The following GRXCR2 variants were observed in gnomAD, a reference collection of about 807,000 sequenced individuals.
GRXCR2 encodes glutaredoxin and cysteine rich domain containing 2, also known as glutaredoxin domain-containing cysteine-rich protein 2.
In GRXCR2, 23 loss-of-function variants were observed where a neutral mutation model predicts 24.8. That is an observed-to-expected ratio of 0.93 (90% CI 0.67 to 1.32). The LOEUF (loss-of-function observed/expected upper bound fraction) is 1.32. GRXCR2 is among the 40% of genes most tolerant of loss of function. The probability of loss-of-function intolerance (pLI) is 0.00; values close to 1 mark genes in which losing one functional copy is unlikely to be tolerated. For synonymous variants in GRXCR2, 130 were observed against 116.1 expected (o/e 1.12, Z -0.77); for missense variants, 315 against 303.4 (o/e 1.04, Z -0.28).
intron 2 of GRXCR2, among the ~76,000 whole-genome samples, chr5:145,923,768 A>C (rs1168084099): frequency 2.0e-5 from 3 of 152,132 alleles, no homozygotes; most frequent in Non-Finnish European, 2.9e-5. Flanking sequence ...TTTTTCCATT[A>C]TATCCATATC....
chr5:145,901,189 AT>A (rs1757018326), intron 2 of GRXCR2, among the ~76,000 whole-genome samples: 2 of 152,138 alleles, frequency 1.3e-5, no homozygotes, highest in South Asian at 4.2e-4. Flanking sequence ...AAAAATAACT[AT>A]TGCATACTAT....
At chr5:145,917,302 T>C (rs1324939413) in intron 2 of GRXCR2, among the ~76,000 whole-genome samples, 3 of 152,144 alleles carry the variant, frequency 2.0e-5, no homozygotes, top group African/African-American at 7.2e-5. Flanking sequence ...TCTCAGGCTT[T>C]CCTGTGTTTT....
intron 2 of GRXCR2, among the ~76,000 whole-genome samples, chr5:145,907,068 G>C (rs1283723719): frequency 6.6e-6 from 1 of 152,088 alleles, no homozygotes; most frequent in Non-Finnish European, 1.5e-5. Flanking sequence ...AGGAGGCCGG[G>C]GTGGCTAAGG....
At chr5:145,871,424 GA>G (rs979620350) in intron 1 of GRXCR2, among the ~76,000 whole-genome samples, 9 of 152,090 alleles carry the variant, frequency 5.9e-5, no homozygotes, top group Non-Finnish European at 1.2e-4. Context: ...GTATCAGATG[GA>G]TCCCTTAACA....
At chr5:145,878,865 A>T (rs2149914576) in intron 2 of GRXCR2, among the ~76,000 whole-genome samples, 1 of 152,316 alleles carries the variant, frequency 6.6e-6, no homozygotes, top group African/African-American at 2.4e-5. Flanking sequence ...GAAACCCTAC[A>T]AGCCAGAAGA....
Position 145,889,168 on chromosome 5 carries a change from C to CA in GRXCR2, c.-69-22441dup, listed in dbSNP as rs534124544. 4.6e-3 allele frequency among the ~76,000 whole-genome samples: 254 copies of CA among 55,264 alleles called. 8 individuals carry two copies. The highest frequency in any genetic ancestry group is 0.014 in the African/African-American group (221 of 15,706). 36.3% of individuals were successfully genotyped at this position (55,264 alleles called of 152,430 possible). A position where few individuals can be genotyped will look rare whatever the true frequency, so the allele number is the denominator to read the frequency against. ...TGGGTGACAGACCGAGACTCTGTCT[C>CA]AAAAAAAGAAAGAAAGAAAGAAAGA... On this transcript the variant is annotated intron_variant, in intron 2 of 3. Transcript: ENST00000639411.
chr5:145,916,146 C>T lies in GRXCR2; in HGVS notation c.-70+19555G>A, dbSNP rs377183210. Reference sequence around the variant, plus strand: ...GGGGCGCTGCTCAGAGCCCCTGCTTCTGCTGGGGCAGAAATCATGTGTGAC... The same window carrying T: ...GGGGCGCTGCTCAGAGCCCCTGCTTTTGCTGGGGCAGAAATCATGTGTGAC... On this transcript the variant is annotated intron_variant, in intron 2 of 3. Transcript: ENST00000639411. Among the ~76,000 whole-genome samples, 87 of 152,244 alleles carry T rather than the reference C, an allele frequency of 5.7e-4. 3 individuals are homozygous for T. In the South Asian group the frequency reaches 0.017, roughly 30 times the overall value.
chr5:145,866,401 T>C, intron 2 of GRXCR2, 100 bp downstream of exon 2: 1 of 727,020 alleles, frequency 1.4e-6, no homozygotes, highest in East Asian at 2.5e-5. Context: ...TAAGTATTCA[T>C]ATTCAAAAGG....
chr5:145,882,438 C>A (rs1354923493), intron 2 of GRXCR2, among the ~76,000 whole-genome samples: 2 of 152,212 alleles, frequency 1.3e-5, no homozygotes, highest in Non-Finnish European at 2.9e-5. Flanking sequence ...CATCACTGGT[C>A]ATCGGAGAAA....
Position 145,859,441 on chromosome 5 carries a change from A to G in GRXCR2, c.*292T>C, listed in dbSNP as rs455117. ...ACATGTATTTGCTCACTGAAGCAAG[A>G]AGAAAACTGAGCTAAGTCAAGTGAG... On this transcript the variant is annotated 3_prime_UTR_variant, in exon 3 of 3. Coordinates refer to ENST00000377976, the MANE Select transcript of GRXCR2 (RefSeq NM_001080516.2). 221,360 of 411,464 alleles carry G rather than the reference A, an allele frequency of 0.54. 61,249 individuals carry two copies. The highest frequency in any genetic ancestry group is 0.58 in the Non-Finnish European group (132,009 of 228,788). The allele number at this position is 411,464 out of a possible 1,614,324, so 25.5% of individuals were successfully genotyped here.
chr5:145,901,033 C>T (rs1175038626), intron 2 of GRXCR2, among the ~76,000 whole-genome samples: 2 of 151,862 alleles, frequency 1.3e-5, no homozygotes, highest in Middle Eastern at 3.4e-3. Flanking sequence ...AGCAAATTAA[C>T]ACAGAAACAG....
chr5:145,885,533 C>T (rs915044275), intron 2 of GRXCR2, among the ~76,000 whole-genome samples: 3 of 152,178 alleles, frequency 2.0e-5, no homozygotes, highest in African/African-American at 7.2e-5. Flanking sequence ...AAGATATTTT[C>T]TCAAAGTACA....
chr5:145,866,606 C>T lies in GRXCR2; in HGVS notation c.459G>A (p.Glu153=). Residue 153 remains glutamate (E), a synonymous_variant, in exon 2 of 3, where the codon GAG becomes GAA. Coordinates refer to ENST00000377976, the MANE Select transcript of GRXCR2 (RefSeq NM_001080516.2). ...RKILQKEEEA[E]EESLMNKEES... ...CTTCTTTGTTCATCAGAGACTCTTCCTCAGCCTCCTCTTCCTTCTGGAGAA... is the reference window on the plus strand; with the variant it reads ...CTTCTTTGTTCATCAGAGACTCTTCTTCAGCCTCCTCTTCCTTCTGGAGAA... 3 of 1,614,110 alleles carry T rather than the reference C, an allele frequency of 1.9e-6. No homozygotes were observed. Among genetic ancestry groups the T allele is most frequent in the Middle Eastern group, 1.6e-4 (1 of 6,062 alleles).
At position 145,888,774 on chromosome 5, in the gene GRXCR2, G is replaced by GGTT. The variant is rs371823138; in HGVS notation, c.-69-22049_-69-22047dup. Among the ~76,000 whole-genome samples, 451 of 151,870 alleles carry GGTT rather than the reference G, an allele frequency of 3.0e-3. 2 individuals carry two copies. Among genetic ancestry groups the GGTT allele is most frequent in the African/African-American group, 0.011 (441 of 41,416 alleles). ...ATGCAAGATACAAATAATTTTAATG[G>GGTT]GTTTTTCTTAAAAACATAAGTGAAG... On this transcript the variant is annotated intron_variant, in intron 2 of 3. Transcript: ENST00000639411.
intron 2 of GRXCR2, among the ~76,000 whole-genome samples, chr5:145,913,791 G>A (rs891935500): frequency 6.6e-6 from 1 of 152,090 alleles, no homozygotes; most frequent in Non-Finnish European, 1.5e-5. Flanking sequence ...CCAAAGTGCT[G>A]GGATTACAGG....
At chr5:145,926,280 T>C (rs1393364226) in intron 2 of GRXCR2, among the ~76,000 whole-genome samples, 1 of 152,288 alleles carries the variant, frequency 6.6e-6, no homozygotes, top group Non-Finnish European at 1.5e-5. Context: ...ATGCATAAGC[T>C]ATTAGGGTTA....
At chr5:145,904,100 C>A (rs1353835629) in intron 2 of GRXCR2, among the ~76,000 whole-genome samples, 1 of 152,124 alleles carries the variant, frequency 6.6e-6, no homozygotes, top group Non-Finnish European at 1.5e-5. Context: ...TGACTAACCC[C>A]AGATTTGTGT....
rs572480411 is a variant in GRXCR2 at position 145,891,913 on chromosome 5, C to T, written c.-69-25185G>A. On this transcript the variant is annotated intron_variant, in intron 2 of 3. Transcript: ENST00000639411. ...GGGGCAGATTGACACCTCACACGGC[C>T]GGGTACTCCTCTGAGACAAAACTTC... is the stretch of plus-strand genomic sequence containing the variant. Among the ~76,000 whole-genome samples the T allele has an allele frequency of 8.5e-5, 13 of 152,190 alleles. No homozygotes were observed. The South Asian group carries it at 1.9e-3, about 22-fold the overall frequency.
At chr5:145,894,336 A>T (rs558082514) in intron 2 of GRXCR2, among the ~76,000 whole-genome samples, 110 of 152,334 alleles carry the variant, frequency 7.2e-4, no homozygotes, top group African/African-American at 2.5e-3. Context: ...AAATCAATGA[A>T]TCCAGGAGCT....
Sources: gnomAD v4.1 joint callset for allele counts (sites outside exome capture counted in the v4.1 genomes callset) on GRCh38, gnomAD v4.1.1 for gene constraint, MANE v1.5 for transcripts, NCBI Gene and HGNC (gene_info 2026-07-23, HGNC 2026-07-21) for gene names.